The following ALDH1L2 variants were observed in gnomAD, a reference collection of about 807,000 sequenced individuals.
ALDH1L2 encodes aldehyde dehydrogenase 1 family member L2.
A neutral mutation model predicts 111.0 loss-of-function variants in ALDH1L2; 91 were observed. That is an observed-to-expected ratio of 0.82 (90% CI 0.69 to 0.98). ALDH1L2 has a LOEUF of 0.98. Ranked by LOEUF, ALDH1L2 falls within the 50% of genes least tolerant of loss-of-function variation. ALDH1L2 has a pLI of 0.00. For missense variants in ALDH1L2, 995 were observed against 1,126.8 expected (o/e 0.88, Z 1.67); for synonymous variants, 374 against 392.6 (o/e 0.95, Z 0.56).
At chr12:105,078,895 G>C (rs1016762904) in intron 1 of ALDH1L2, among the ~76,000 whole-genome samples, 1 of 152,184 alleles carries the variant, frequency 6.6e-6, no homozygotes, top group Non-Finnish European at 1.5e-5. Flanking sequence ...AGAAACAAAT[G>C]CATGTGCACA....
intron 1 of ALDH1L2, among the ~76,000 whole-genome samples, chr12:105,083,953 A>G (rs1458441273): frequency 6.6e-6 from 1 of 151,978 alleles, no homozygotes; most frequent in Admixed American, 6.6e-5. Flanking sequence ...CCAGGCCGCC[A>G]ACGAGGACCC....
intron 1 of ALDH1L2, among the ~76,000 whole-genome samples, chr12:105,080,247 C>A (rs1402539845): frequency 6.6e-6 from 1 of 151,956 alleles, no homozygotes; most frequent in African/African-American, 2.4e-5. Flanking sequence ...GTTTTCTCAC[C>A]CCTGCTAAAC....
Position 105,034,285 on chromosome 12 carries a change from G to T in ALDH1L2, c.2244+15C>A, listed in dbSNP as rs778984921. On this transcript the variant is annotated intron_variant, in intron 19 of 22. Coordinates refer to ENST00000258494, the MANE Select transcript of ALDH1L2 (RefSeq NM_001034173.4). Reference sequence around the variant, plus strand: ...AATCTCTAAACAACTCAGAGTAAATGTGAAGGTGCCTCACCACTCTTGTCA... The same window carrying T: ...AATCTCTAAACAACTCAGAGTAAATTTGAAGGTGCCTCACCACTCTTGTCA... 2.5e-6 allele frequency: 4 copies of T among 1,612,240 alleles called. No individual in the cohort carries two copies.
At chr12:105,079,708 A>G (rs956708294) in intron 1 of ALDH1L2, among the ~76,000 whole-genome samples, 2 of 147,020 alleles carry the variant, frequency 1.4e-5, no homozygotes, top group African/African-American at 4.9e-5. Flanking sequence ...AATTATACAT[A>G]TTACATATAC....
At chr12:105,080,998 C>A (rs1490796255) in intron 1 of ALDH1L2, among the ~76,000 whole-genome samples, 1 of 152,116 alleles carries the variant, frequency 6.6e-6, no homozygotes, top group Non-Finnish European at 1.5e-5. Flanking sequence ...TGTCATTATT[C>A]CATAAACAAT....
intron 1 of ALDH1L2, among the ~76,000 whole-genome samples, chr12:105,079,516 C>G (rs922377845): frequency 6.6e-6 from 1 of 152,100 alleles, no homozygotes; most frequent in Non-Finnish European, 1.5e-5. Flanking sequence ...GACTCAGAGG[C>G]TGGAGAGAGC....
chr12:105,080,998 C>G (rs1490796255), intron 1 of ALDH1L2, among the ~76,000 whole-genome samples: 1 of 152,116 alleles, frequency 6.6e-6, no homozygotes, highest in Non-Finnish European at 1.5e-5. Flanking sequence ...TGTCATTATT[C>G]CATAAACAAT....
At position 105,046,831 on chromosome 12, in the gene ALDH1L2, T is replaced by C. The variant is rs779369770; in HGVS notation, c.1758-16A>G. On this transcript the variant is annotated splice_polypyrimidine_tract_variant and intron_variant, in intron 14 of 22. Transcript: ENST00000258494. ...GGCACAGACACTGCAGGGGAAGAAA[T>C]TCGACATGCTTAGTTGTTTCAAATA... is the stretch of plus-strand genomic sequence containing the variant. The C allele has an allele frequency of 1.2e-5, 19 of 1,613,232 alleles. No individual in the cohort carries two copies. In the South Asian group the frequency reaches 1.9e-4, roughly 16 times the overall value.
In ALDH1L2 at chr12:105,057,640, A is replaced by C. The variant is rs1327530067; in HGVS notation, c.1287+433T>G. 2.0e-5 allele frequency among the ~76,000 whole-genome samples: 3 copies of C among 152,230 alleles called. No individual in the cohort carries two copies. The East Asian group carries it at 5.8e-4, about 29-fold the overall frequency. On this transcript the variant is annotated intron_variant, in intron 10 of 22. Transcript: ENST00000258494. ...TTGGACACATTATGCTAAGAGAAAGAAGCCAGAAACAAAAAGCCACATGTT... is the reference window on the plus strand; with the variant it reads ...TTGGACACATTATGCTAAGAGAAAGCAGCCAGAAACAAAAAGCCACATGTT...
At chr12:105,061,575 C>T (rs751728560) in intron 8 of ALDH1L2, 52 bp downstream of exon 8, 106 of 1,605,514 alleles carry the variant, frequency 6.6e-5, no homozygotes, top group South Asian at 2.5e-4. Flanking sequence ...CAGTTACGAA[C>T]ATGCTTCAGT....
intron 5 of ALDH1L2, among the ~76,000 whole-genome samples, chr12:105,065,595 T>C (rs951547349): frequency 6.6e-6 from 1 of 152,202 alleles, no homozygotes; most frequent in Non-Finnish European, 1.5e-5. Flanking sequence ...TTTGTAAAGA[T>C]GAAGTAGAGC....
At position 105,022,935 on chromosome 12, in the gene ALDH1L2, G is replaced by A. The variant is rs1193484992; in HGVS notation, c.*1489C>T. On this transcript the variant is annotated 3_prime_UTR_variant, in exon 23 of 23. Coordinates refer to ENST00000258494, the MANE Select transcript of ALDH1L2 (RefSeq NM_001034173.4). ...TTACTGAAATTTTATTTTTAAAGGA[G>A]GATTAATAGAATTTAACTTTCTGGC... 1 of 152,102 alleles carries A rather than the reference G, an allele frequency of 6.6e-6. No homozygotes were observed. The allele number at this position is 152,102 out of a possible 1,614,324, so 9.4% of individuals were successfully genotyped here.
At chr12:105,047,192 C>T (rs1875975909) in intron 13 of ALDH1L2, among the ~76,000 whole-genome samples, 1 of 152,122 alleles carries the variant, frequency 6.6e-6, no homozygotes, top group South Asian at 2.1e-4. Flanking sequence ...TAGTCCATTC[C>T]TAATTGCTTG....
At chr12:105,039,974 T>C (rs561808766) in intron 16 of ALDH1L2, among the ~76,000 whole-genome samples, 168 bp from the exon 17 acceptor site, 30 of 151,698 alleles carry the variant, frequency 2.0e-4, no homozygotes, top group South Asian at 1.5e-3. Flanking sequence ...ACTAAAAATA[T>C]AAAAATTAGC....
chr12:105,061,658 G>A lies in ALDH1L2; in HGVS notation c.1016C>T (p.Ala339Val). Residue 339 changes from alanine to valine, a missense_variant, in exon 8 of 23, where the codon GCT becomes GTT. Transcript: ENST00000258494. ...TGETSVVELT[A>V]EEVKVAETIK... Reference sequence around the variant, plus strand: ...GGTCTCTGCCACTTTCACCTCTTCAGCTGTCAGTTCTACCACTGACGTCTC... The same window carrying A: ...GGTCTCTGCCACTTTCACCTCTTCAACTGTCAGTTCTACCACTGACGTCTC... The A allele has an allele frequency of 1.2e-6, 2 of 1,614,116 alleles. No individual in the cohort carries two copies. The highest frequency in any genetic ancestry group is 1.7e-6 in the Non-Finnish European group (2 of 1,180,022).
intron 15 of ALDH1L2, 38 bp downstream of exon 15, chr12:105,046,672 G>C (rs755674216): frequency 1.3e-6 from 2 of 1,560,224 alleles, no homozygotes; most frequent in Admixed American, 3.4e-5. Flanking sequence ...GGATATAAGA[G>C]AGGAGGCAAT....
rs922371558 is a variant in ALDH1L2 at position 105,023,096 on chromosome 12, A to G, written c.*1328T>C. On this transcript the variant is annotated 3_prime_UTR_variant, in exon 23 of 23. Coordinates refer to ENST00000258494, the MANE Select transcript of ALDH1L2 (RefSeq NM_001034173.4). ...TAATAGTTTCCATTTCTTCAATGCT[A>G]TGGTCCAAACGCCTTGTTAAGTGCA... 8.5e-5 allele frequency: 13 copies of G among 152,184 alleles called. No homozygotes were observed. Among genetic ancestry groups the G allele is most frequent in the Non-Finnish European group, 1.6e-4 (11 of 68,026 alleles). 9.4% of individuals were successfully genotyped at this position (152,184 alleles called of 1,614,324 possible).
intron 15 of ALDH1L2, among the ~76,000 whole-genome samples, chr12:105,043,953 A>T (rs1433616416): frequency 6.6e-6 from 1 of 152,254 alleles, no homozygotes; most frequent in Non-Finnish European, 1.5e-5. Flanking sequence ...AACAAAGCAG[A>T]CAACAGGTTT....
At chr12:105,061,279 A>G (rs565463183) in intron 8 of ALDH1L2, among the ~76,000 whole-genome samples, 7 of 152,236 alleles carry the variant, frequency 4.6e-5, no homozygotes, top group African/African-American at 1.7e-4. Flanking sequence ...GTCCTAGCCC[A>G]TGTAAACCTC....
Sources: gnomAD v4.1 joint callset for allele counts (sites outside exome capture counted in the v4.1 genomes callset) on GRCh38, gnomAD v4.1.1 for gene constraint, MANE v1.5 for transcripts, NCBI Gene and HGNC (gene_info 2026-07-23, HGNC 2026-07-21) for gene names.